Variants in CACNA1C observed in about 807,000 individuals in gnomAD.
CACNA1C encodes calcium voltage-gated channel subunit alpha1 C, also known as voltage-dependent L-type calcium channel subunit alpha-1C.
CACNA1C carries 30 observed loss-of-function variants against 229.0 expected under a neutral mutation model. The observed-to-expected ratio is 0.13, with a 90% CI of 0.10 to 0.18. The LOEUF (loss-of-function observed/expected upper bound fraction) is 0.18, where lower values mean the gene tolerates loss of function less well. CACNA1C is among the 10% of genes least tolerant of loss of function. The probability of loss-of-function intolerance (pLI) is 1.00; values close to 1 mark genes in which losing one functional copy is unlikely to be tolerated. For synonymous variants in CACNA1C, 1,114 were observed against 1,132.5 expected, an observed-to-expected ratio of 0.98 and a Z score of 0.33; for missense variants, 1,658 against 2,845.0, an observed-to-expected ratio of 0.58 and a Z score of 9.49.
At chr12:2,661,875 A>G (rs933996998) in intron 34 of CACNA1C, among the ~76,000 whole-genome samples, 3 of 152,234 alleles carry the variant, frequency 2.0e-5, no homozygotes, top group Non-Finnish European at 2.9e-5. Context: ...ATAACTAATT[A>G]GTAAATGTAA....
chr12:2,135,888 G>T (rs555480031), intron 3 of CACNA1C, among the ~76,000 whole-genome samples: 54 of 148,136 alleles, frequency 3.6e-4, no homozygotes, highest in East Asian at 9.8e-4. Flanking sequence ...GGGCAATGGC[G>T]GGCGCCCCTC....
chr12:2,061,688 C>G (rs1228734649), intron 1 of CACNA1C, among the ~76,000 whole-genome samples: 1 of 152,210 alleles, frequency 6.6e-6, no homozygotes, highest in Non-Finnish European at 1.5e-5. Flanking sequence ...AAGTCCAAAG[C>G]CACGCTGGCC....
At chr12:2,059,010 C>T (rs2056389175) in intron 1 of CACNA1C, among the ~76,000 whole-genome samples, 1 of 152,068 alleles carries the variant, frequency 6.6e-6, no homozygotes, top group Non-Finnish European at 1.5e-5. Context: ...CTGGAGGCAG[C>T]TGTTTATCAT....
chr12:2,324,212 G>A (rs2096171107), intron 3 of CACNA1C, among the ~76,000 whole-genome samples: 1 of 152,172 alleles, frequency 6.6e-6, no homozygotes, highest in African/African-American at 2.4e-5. Flanking sequence ...AAAGCCCGGG[G>A]GATGGGGCTG....
upstream of CACNA1C, among the ~76,000 whole-genome samples, chr12:2,051,065 T>C (rs375839511): frequency 5.3e-5 from 8 of 152,302 alleles, no homozygotes; most frequent in East Asian, 3.9e-4. Context: ...CTATATAGTA[T>C]GTTAGACAGG....
intron 3 of CACNA1C, among the ~76,000 whole-genome samples, chr12:2,303,480 C>T (rs2094743198): frequency 6.6e-6 from 1 of 152,118 alleles, no homozygotes; most frequent in Non-Finnish European, 1.5e-5. Flanking sequence ...ATACCCTACC[C>T]CTAGGCCAGT....
intron 5 of CACNA1C, among the ~76,000 whole-genome samples, chr12:2,458,981 C>CTTTTT (rs71057826): frequency 1.8e-3 from 193 of 105,598 alleles, no homozygotes; most frequent in Middle Eastern, 5.1e-3. Context: ...CTTTTTCTTT[C>CTTTTT]TTTTTTTTTT....
intron 3 of CACNA1C, among the ~76,000 whole-genome samples, chr12:2,277,352 CAGACAGACAG>C (rs374657094): frequency 5.5e-4 from 44 of 80,120 alleles, no homozygotes; most frequent in South Asian, 1.3e-3. Context: ...GACAGACAGA[CAGACAGACAG>C]ACACACACAC....
chr12:2,640,064 C>T (rs1481698156), intron 30 of CACNA1C, among the ~76,000 whole-genome samples: 4 of 152,056 alleles, frequency 2.6e-5, no homozygotes, highest in Non-Finnish European at 5.9e-5. Context: ...AGAAGAGGAC[C>T]GACATGAGGA....
chr12:2,257,476 A>C (rs1282461105), intron 3 of CACNA1C, among the ~76,000 whole-genome samples: 1 of 152,228 alleles, frequency 6.6e-6, no homozygotes, highest in African/African-American at 2.4e-5. Flanking sequence ...AGGAGCATGC[A>C]ACCTAGATCC....
At chr12:2,291,338 C>G (rs1298365128) in intron 3 of CACNA1C, among the ~76,000 whole-genome samples, 1 of 152,160 alleles carries the variant, frequency 6.6e-6, no homozygotes, top group Non-Finnish European at 1.5e-5. Context: ...TCAAGGGCCC[C>G]TGGCTTCTCA....
At chr12:2,373,755 C>T (rs2097936523) in intron 3 of CACNA1C, among the ~76,000 whole-genome samples, 1 of 152,180 alleles carries the variant, frequency 6.6e-6, no homozygotes, top group Admixed American at 6.5e-5. Context: ...AGCCCATTTT[C>T]CTTTTGCCTT....
At position 2,319,371 on chromosome 12, in the gene CACNA1C, G is replaced by A. The variant is rs553031655; in HGVS notation, c.478-129605G>A. Among the ~76,000 whole-genome samples the A allele has an allele frequency of 9.5e-4, 144 of 152,150 alleles. No homozygotes were observed. Among genetic ancestry groups the A allele is most frequent in the Middle Eastern group, 3.4e-3 (1 of 294 alleles). ...GGGGGCAGTGTGCTTGGTAGGCAGC[G>A]TACCTGATGGGTGGCGTACATGGGC... is the stretch of plus-strand genomic sequence containing the variant. On this transcript the variant is annotated intron_variant, in intron 3 of 46. Transcript: ENST00000399655. This position sits in a 1 kb window ranked among gnomAD's most constrained non-coding sequence, Gnocchi z 4.0.
intron 1 of CACNA1C, among the ~76,000 whole-genome samples, chr12:1,995,728 C>A (rs2040635680): frequency 1.3e-5 from 2 of 152,234 alleles, no homozygotes; most frequent in Admixed American, 6.5e-5. Flanking sequence ...TTTTATCTTT[C>A]CAGCTGACTC....
intron 1 of CACNA1C, among the ~76,000 whole-genome samples, chr12:2,008,645 C>T (rs1441063799): frequency 1.3e-5 from 2 of 152,086 alleles, no homozygotes; most frequent in Non-Finnish European, 2.9e-5. Flanking sequence ...GATAAAAAAA[C>T]GTGCAATAGC....
intron 3 of CACNA1C, among the ~76,000 whole-genome samples, chr12:2,237,602 G>A (rs570065098): frequency 6.6e-6 from 1 of 152,344 alleles, no homozygotes; most frequent in South Asian, 2.1e-4. Context: ...TCAATTCCTA[G>A]TGGTCAATGG....
At chr12:2,457,740 C>T in intron 5 of CACNA1C, 34 bp downstream of exon 5, 1 of 1,496,920 alleles carries the variant, frequency 6.7e-7, no homozygotes, top group Non-Finnish European at 8.9e-7. Flanking sequence ...ACAGTGTTAT[C>T]TCCTCACCAC....
intron 1 of CACNA1C, among the ~76,000 whole-genome samples, chr12:2,059,303 G>A (rs1332280054): frequency 6.6e-6 from 1 of 152,058 alleles, no homozygotes; most frequent in African/African-American, 2.4e-5. Flanking sequence ...AGGTCATCAG[G>A]GTAGTCAGTT....
At chr12:2,205,853 T>C (rs889211278) in intron 3 of CACNA1C, among the ~76,000 whole-genome samples, 8 of 152,158 alleles carry the variant, frequency 5.3e-5, no homozygotes, top group South Asian at 2.1e-4. Flanking sequence ...TCCTGGCTCG[T>C]GGACATTTGT....
Sources: allele counts gnomAD v4.1 joint callset (sites outside exome capture counted in the v4.1 genomes callset), GRCh38; gene constraint gnomAD v4.1.1; non-coding constraint Gnocchi (gnomAD v3.1); transcripts MANE v1.5; gene names NCBI Gene and HGNC (gene_info 2026-07-23, HGNC 2026-07-21).